SCRN1: variants seen among roughly 807,000 people sequenced by gnomAD.
SCRN1 encodes the protein secernin 1.
SCRN1 carries 19 observed loss-of-function variants against 43.3 expected under a neutral mutation model. That is an observed-to-expected ratio of 0.44 (90% CI 0.31 to 0.64). The LOEUF is 0.64. SCRN1 is among the 30% of genes least tolerant of loss of function. The pLI, the probability that SCRN1 is intolerant of heterozygous loss-of-function variation, is 0.09. For missense variants in SCRN1, 447 were observed against 524.1 expected, an observed-to-expected ratio of 0.85 and a Z score of 1.44; for synonymous variants, 183 against 188.9, an observed-to-expected ratio of 0.97 and a Z score of 0.26.
At chr7:29,940,610 A>G (rs865981587) in intron 5 of SCRN1, 72 bp downstream of exon 5, 1 of 1,417,088 alleles carries the variant, frequency 7.1e-7, no homozygotes, top group Middle Eastern at 1.8e-4. Flanking sequence ...TTCTAAGTTC[A>G]GACAAGTTCT....
rs1196553106 is a variant in SCRN1 at position 29,944,084 on chromosome 7, T to A, written c.437A>T (p.Asp146Val). The A allele has an allele frequency of 6.2e-7, 1 of 1,614,196 alleles. No homozygotes were observed. Among genetic ancestry groups the A allele is most frequent in the South Asian group, 1.1e-5 (1 of 91,088 alleles). ...TTGGAAGCTGTGGCAGGAGTTTGCA[T>A]CTTCAAAGTAATTCCCACCTTGTCC... ...EHGQGGNYFE[D>V]ANSCHSFQSA... The change falls in exon 4 of 8, where the codon GAT becomes GTT. Residue 146 changes from aspartate (D) to valine (V), a missense_variant. Coordinates refer to ENST00000242059, the MANE Select transcript of SCRN1 (RefSeq NM_014766.5).
intron 2 of SCRN1, among the ~76,000 whole-genome samples, chr7:29,964,762 T>C (rs554632743): frequency 1.3e-5 from 2 of 152,006 alleles, no homozygotes; most frequent in Non-Finnish European, 2.9e-5. Flanking sequence ...GCCAACATGA[T>C]GAAACCCCGT....
chr7:29,938,363 C>T lies in SCRN1; in HGVS notation c.740-1642G>A, dbSNP rs181179512. On this transcript the variant is annotated intron_variant, in intron 5 of 7. Transcript: ENST00000242059. ...CATCTTAGTTGTCAGAGTCATCTTT[C>T]CTGTAGTTTCGCACAGTGTAAGCTT... Among the ~76,000 whole-genome samples the T allele has an allele frequency of 1.2e-3, 188 of 152,344 alleles. 1 individual carries two copies. The highest frequency in any genetic ancestry group is 4.3e-3 in the African/African-American group (180 of 41,586).
chr7:29,957,955 C>A (rs1029774226), intron 2 of SCRN1, among the ~76,000 whole-genome samples: 2 of 152,280 alleles, frequency 1.3e-5, no homozygotes, highest in South Asian at 2.1e-4. Flanking sequence ...ACAATTGAAT[C>A]AAAAAGACCA....
At chr7:29,933,156 A>T (rs753668533) in intron 6 of SCRN1, among the ~76,000 whole-genome samples, 1 of 152,212 alleles carries the variant, frequency 6.6e-6, no homozygotes, top group Non-Finnish European at 1.5e-5. Context: ...CTGGGATTAC[A>T]GGCGTGAGCG....
At chr7:29,930,486 A>G (rs1042299515) in intron 6 of SCRN1, among the ~76,000 whole-genome samples, 1 of 152,250 alleles carries the variant, frequency 6.6e-6, no homozygotes, top group African/African-American at 2.4e-5. Flanking sequence ...ACTTGAATGA[A>G]CATAAGCCCA....
At chr7:29,926,418 C>G in intron 7 of SCRN1, 34 bp downstream of exon 7, 1 of 1,599,966 alleles carries the variant, frequency 6.3e-7, no homozygotes, top group Non-Finnish European at 8.5e-7. Flanking sequence ...CGCCCGCCTC[C>G]GCCTCCGCCT....
chr7:29,981,075 T>C (rs959440423), intron 1 of SCRN1, among the ~76,000 whole-genome samples: 71 of 152,284 alleles, frequency 4.7e-4, no homozygotes, highest in African/African-American at 1.5e-3. Flanking sequence ...TATTGCTTTA[T>C]TGGTCTTTTA....
chr7:29,959,658 TTAAA>T (rs1788243784), intron 2 of SCRN1, among the ~76,000 whole-genome samples: 1 of 152,116 alleles, frequency 6.6e-6, no homozygotes. Flanking sequence ...TCATATAAGT[TTAAA>T]TAAAGACAAA....
At chr7:29,972,646 A>G (rs913130360) in intron 1 of SCRN1, among the ~76,000 whole-genome samples, 2 of 152,230 alleles carry the variant, frequency 1.3e-5, no homozygotes, top group Non-Finnish European at 2.9e-5. Flanking sequence ...GAACCAGCAA[A>G]GTGTGCATCA....
chr7:29,964,476 C>T (rs927810704), intron 2 of SCRN1, among the ~76,000 whole-genome samples: 1 of 130,026 alleles, frequency 7.7e-6, no homozygotes, highest in Non-Finnish European at 1.6e-5. Flanking sequence ...AAAGTATGGA[C>T]ACAATAGGAT....
At chr7:29,955,067 C>T (rs1788085486) in intron 3 of SCRN1, 112 bp downstream of exon 3, 1 of 836,616 alleles carries the variant, frequency 1.2e-6, no homozygotes, top group Non-Finnish European at 1.9e-6. Context: ...AAAAGGCACA[C>T]ATCATCTTTG....
intron 7 of SCRN1, among the ~76,000 whole-genome samples, chr7:29,926,116 G>A (rs768561527): frequency 6.6e-5 from 10 of 152,144 alleles, no homozygotes; most frequent in Non-Finnish European, 1.2e-4. Context: ...AAGTACATAA[G>A]GAATTTTACA....
chr7:29,982,920 T>TC (rs1474883446), intron 1 of SCRN1, among the ~76,000 whole-genome samples: 2 of 151,206 alleles, frequency 1.3e-5, no homozygotes, highest in Non-Finnish European at 2.9e-5. Context: ...CTCACCACAA[T>TC]CTCCACCTCC....
At chr7:29,966,171 G>GAGAGAGAA (rs1554360380) in intron 2 of SCRN1, among the ~76,000 whole-genome samples, 3 of 146,278 alleles carry the variant, frequency 2.1e-5, no homozygotes, top group Non-Finnish European at 4.5e-5. Flanking sequence ...GAGAGAGAGA[G>GAGAGAGAA]AGAGAGAGAG....
At chr7:29,944,224 C>T (rs1287139868) in intron 3 of SCRN1, 45 bp from the exon 4 acceptor site, 1 of 1,580,018 alleles carries the variant, frequency 6.3e-7, no homozygotes, top group African/African-American at 1.3e-5. Flanking sequence ...TTTCATACCA[C>T]AGGATTGTTA....
intron 6 of SCRN1, among the ~76,000 whole-genome samples, chr7:29,933,421 C>T (rs980738117): frequency 1.3e-5 from 2 of 152,236 alleles, no homozygotes. Context: ...TGTAAGACTC[C>T]GAATTTTACA....
At chr7:29,986,976 G>A (rs1223965742) in intron 1 of SCRN1, among the ~76,000 whole-genome samples, 2 of 151,804 alleles carry the variant, frequency 1.3e-5, no homozygotes, top group African/African-American at 2.4e-5. Context: ...CGCCCGCCTC[G>A]GCCTCCCAAA....
rs1392494883 is a variant in SCRN1 at position 29,950,498 on chromosome 7, C to T, written c.341+4681G>A. On this transcript the variant is annotated intron_variant, in intron 3 of 7. Transcript: ENST00000242059. The surrounding 1 kb of genome is among the most constrained non-coding windows in gnomAD (Gnocchi z 4.5). Reference sequence around the variant, plus strand: ...AAGGAGCAGGTCCCCAGTGAAACCCCACCTTCAAGCCAGGAATGGCCGGAA... The same window carrying T: ...AAGGAGCAGGTCCCCAGTGAAACCCTACCTTCAAGCCAGGAATGGCCGGAA... 1.3e-5 allele frequency among the ~76,000 whole-genome samples: 2 copies of T among 152,212 alleles called. No individual in the cohort carries two copies. Among genetic ancestry groups the T allele is most frequent in the Admixed American group, 1.3e-4 (2 of 15,292 alleles).
Sources: allele counts gnomAD v4.1 joint callset (sites outside exome capture counted in the v4.1 genomes callset), GRCh38; gene constraint gnomAD v4.1.1; non-coding constraint Gnocchi (gnomAD v3.1); transcripts MANE v1.5; gene names NCBI Gene and HGNC (gene_info 2026-07-23, HGNC 2026-07-21).